CHD6: variants seen among roughly 807,000 people sequenced by gnomAD.
The protein encoded by CHD6 is ATP-dependent chromatin remodeler CHD6.
In CHD6, 50 loss-of-function variants were observed where a neutral mutation model predicts 276.9. That is an observed-to-expected ratio of 0.18 (90% CI 0.14 to 0.23). The LOEUF (loss-of-function observed/expected upper bound fraction) is 0.23. Among genes scored for constraint, CHD6 ranks in the 10% least tolerant of loss-of-function variants. The pLI, the probability that CHD6 is intolerant of heterozygous loss-of-function variation, is 1.00. For synonymous variants in CHD6, 1,173 were observed against 1,229.3 expected, an observed-to-expected ratio of 0.95 and a Z score of 0.96; for missense variants, 2,564 against 3,365.8, an observed-to-expected ratio of 0.76 and a Z score of 5.89.
At chr20:41,536,332 A>C (rs187499396) in intron 2 of CHD6, among the ~76,000 whole-genome samples, 11 of 152,360 alleles carry the variant, frequency 7.2e-5, no homozygotes, top group African/African-American at 2.6e-4. Flanking sequence ...CTAGCTCATA[A>C]ACTGCACTGT....
At chr20:41,459,845 G>A (rs935031876) in intron 17 of CHD6, among the ~76,000 whole-genome samples, 6 of 152,236 alleles carry the variant, frequency 3.9e-5, no homozygotes, top group East Asian at 1.9e-4. Context: ...AAAGATACCC[G>A]AAAACGCGGA....
chr20:41,494,015 C>T, intron 8 of CHD6, 71 bp from the exon 9 acceptor site: 3 of 1,074,424 alleles, frequency 2.8e-6, no homozygotes, highest in Non-Finnish European at 4.3e-6. Flanking sequence ...AGGGTGTTAT[C>T]TCTAAGTGAT....
Position 41,563,888 on chromosome 20 carries a change from T to C in CHD6, c.-23-12528A>G, listed in dbSNP as rs140442226. ...CCTGAAAATTCAAGTCATAATCTTA[T>C]GGGGGAAGACAAAGGGTTTTACAAA... On this transcript the variant is annotated intron_variant, in intron 1 of 36. Transcript: ENST00000373233. The C allele has an allele frequency of 3.9e-4, 229 of 589,636 alleles. 1 individual carries two copies. In the East Asian group the frequency reaches 6.2e-3, roughly 16 times the overall value. The allele number at this position is 589,636 out of a possible 1,614,324, so 36.5% of individuals were successfully genotyped here.
chr20:41,406,717 T>C (rs540340028), intron 36 of CHD6, among the ~76,000 whole-genome samples: 1 of 152,322 alleles, frequency 6.6e-6, no homozygotes, highest in East Asian at 1.9e-4. Context: ...AGTGCCGCAG[T>C]CCCTGCGCCC....
At chr20:41,429,914 A>T (rs547087578) in intron 27 of CHD6, among the ~76,000 whole-genome samples, 1 of 152,200 alleles carries the variant, frequency 6.6e-6, no homozygotes, top group Non-Finnish European at 1.5e-5. Context: ...CTACCAATCT[A>T]CTAAACGGTT....
chr20:41,600,837 G>A (rs928734182), intron 1 of CHD6, among the ~76,000 whole-genome samples: 1 of 152,212 alleles, frequency 6.6e-6, no homozygotes, highest in African/African-American at 2.4e-5. Context: ...TCTGTCCAGA[G>A]TTGCAGTGTG....
intron 7 of CHD6, 134 bp downstream of exon 7, chr20:41,498,034 T>C (rs1320372441): frequency 1.5e-6 from 1 of 653,862 alleles, no homozygotes; most frequent in South Asian, 1.9e-5. Flanking sequence ...TAAGGTAAAC[T>C]TGAGTCAGCC....
rs756200491 is a variant in CHD6, at chr20:41,403,134, T to C, written c.*1459A>G. 4.7e-5 allele frequency: 16 copies of C among 339,158 alleles called. No homozygotes were observed. Among genetic ancestry groups the C allele is most frequent in the South Asian group, 2.6e-4 (2 of 7,754 alleles). The allele number at this position is 339,158 out of a possible 1,614,324, so 21.0% of individuals were successfully genotyped here. ...AAAATGAAATAGTTATGTCAGACTT[T>C]TGGACCTTCTGATAAATTAGCAAAA... is the stretch of plus-strand genomic sequence containing the variant. On this transcript the variant is annotated 3_prime_UTR_variant, in exon 37 of 37. Transcript: ENST00000373233.
chr20:41,465,697 T>C (rs1304825690), intron 17 of CHD6, among the ~76,000 whole-genome samples: 1 of 152,252 alleles, frequency 6.6e-6, no homozygotes, highest in Non-Finnish European at 1.5e-5. Flanking sequence ...TTATATAAAA[T>C]GTCAACATTA....
intron 33 of CHD6, 90 bp downstream of exon 33, chr20:41,416,498 T>C: frequency 7.9e-7 from 1 of 1,259,294 alleles, no homozygotes; most frequent in East Asian, 2.4e-5. Flanking sequence ...ATCCACTCAG[T>C]AAATACTTGC....
At chr20:41,575,268 C>T (rs894959638) in intron 1 of CHD6, among the ~76,000 whole-genome samples, 1 of 152,106 alleles carries the variant, frequency 6.6e-6, no homozygotes, top group African/African-American at 2.4e-5. Flanking sequence ...TTCATTCTTT[C>T]CTTGCTTTGT....
At chr20:41,583,767 T>C (rs999191042) in intron 1 of CHD6, among the ~76,000 whole-genome samples, 2 of 152,100 alleles carry the variant, frequency 1.3e-5, no homozygotes, top group African/African-American at 4.8e-5. Flanking sequence ...AAACTGGAAA[T>C]ATACTGTATT....
intron 27 of CHD6, among the ~76,000 whole-genome samples, chr20:41,431,861 G>T (rs1170425686): frequency 2.0e-5 from 3 of 148,126 alleles, no homozygotes; most frequent in Non-Finnish European, 1.5e-5. Flanking sequence ...GACAAAAAAG[G>T]CCCTCAAAAA....
chr20:41,554,619 C>G (rs889718509), intron 1 of CHD6, among the ~76,000 whole-genome samples: 8 of 151,126 alleles, frequency 5.3e-5, no homozygotes, highest in Admixed American at 3.3e-4. Flanking sequence ...CTTCAAGCAT[C>G]TGTTTAACAA....
At chr20:41,561,528 A>G (rs1355889765) in intron 1 of CHD6, among the ~76,000 whole-genome samples, 1 of 151,968 alleles carries the variant, frequency 6.6e-6, no homozygotes, top group Non-Finnish European at 1.5e-5. Flanking sequence ...ACTTCTCCTC[A>G]CCATCCTCCC....
intron 5 of CHD6, among the ~76,000 whole-genome samples, chr20:41,500,099 A>G (rs953926339): frequency 6.6e-6 from 1 of 152,170 alleles, no homozygotes; most frequent in Non-Finnish European, 1.5e-5. Context: ...CATTCTTTCT[A>G]GAACCTCAAG....
chr20:41,509,495 C>T (rs558538871), intron 5 of CHD6, among the ~76,000 whole-genome samples: 1 of 152,078 alleles, frequency 6.6e-6, no homozygotes, highest in Non-Finnish European at 1.5e-5. Flanking sequence ...CTCGGAGGAG[C>T]AAGGAACTTT....
At chr20:41,588,145 C>G (rs1311225506) in intron 1 of CHD6, among the ~76,000 whole-genome samples, 1 of 152,074 alleles carries the variant, frequency 6.6e-6, no homozygotes, top group African/African-American at 2.4e-5. Context: ...GAGAGACTAT[C>G]CAAGAAAACC....
At chr20:41,428,313 A>T (rs957036348) in intron 27 of CHD6, among the ~76,000 whole-genome samples, 1 of 152,176 alleles carries the variant, frequency 6.6e-6, no homozygotes, top group Non-Finnish European at 1.5e-5. Flanking sequence ...TTAGTTAATA[A>T]TCCGTTTAAT....
Sources: gnomAD v4.1 joint callset for allele counts (sites outside exome capture counted in the v4.1 genomes callset) on GRCh38, gnomAD v4.1.1 for gene constraint, MANE v1.5 for transcripts, NCBI Gene and HGNC (gene_info 2026-07-23, HGNC 2026-07-21) for gene names.